MAGI2: variants seen among roughly 807,000 people sequenced by gnomAD.
The protein encoded by MAGI2 is membrane associated guanylate kinase, WW and PDZ domain containing 2.
A neutral mutation model predicts 133.3 loss-of-function variants in MAGI2; 35 were observed. That is an observed-to-expected ratio of 0.26 (90% CI 0.20 to 0.35). The LOEUF is 0.35. MAGI2 is among the 10% of genes least tolerant of loss of function. The pLI is 1.00. For missense variants in MAGI2, 1,636 were observed against 1,863.4 expected (o/e 0.88, Z 2.25); for synonymous variants, 729 against 710.6 (o/e 1.03, Z -0.41).
chr7:79,178,367 C>T (rs905295164), intron 1 of MAGI2, among the ~76,000 whole-genome samples: 5 of 151,968 alleles, frequency 3.3e-5, no homozygotes, highest in African/African-American at 1.2e-4. Context: ...GATAGATATT[C>T]GATAGATATG....
At chr7:79,044,701 C>A (rs773055063) in intron 1 of MAGI2, among the ~76,000 whole-genome samples, 1 of 152,178 alleles carries the variant, frequency 6.6e-6, no homozygotes, top group Non-Finnish European at 1.5e-5. Context: ...GCTCCTAGAT[C>A]TGATAAACAA....
intron 10 of MAGI2, among the ~76,000 whole-genome samples, chr7:78,215,195 G>A (rs534165044): frequency 1.3e-5 from 2 of 152,210 alleles, no homozygotes; most frequent in African/African-American, 4.8e-5. Context: ...ATAGATTATT[G>A]TGTTGAGCAG....
At position 79,062,152 on chromosome 7, in the gene MAGI2, G is replaced by C. The variant is rs754032293; in HGVS notation, c.302-54946C>G. ...TACAGGCTCATGATTCATTTTAACT[G>C]TACCACTCCATACTACTGGCCCATG... On this transcript the variant is annotated intron_variant, in intron 1 of 21. Coordinates refer to ENST00000354212, the MANE Select transcript of MAGI2 (RefSeq NM_012301.4). Among the ~76,000 whole-genome samples the C allele has an allele frequency of 3.3e-5, 5 of 152,072 alleles. No homozygotes were observed. The East Asian group carries it at 5.8e-4, about 18-fold the overall frequency.
At chr7:79,392,619 G>C (rs2129153003) in intron 1 of MAGI2, among the ~76,000 whole-genome samples, 1 of 152,260 alleles carries the variant, frequency 6.6e-6, no homozygotes, top group East Asian at 1.9e-4. Context: ...GTGATGATTA[G>C]CTTTTTTTCA....
intron 6 of MAGI2, among the ~76,000 whole-genome samples, chr7:78,460,454 G>T (rs1789849849): frequency 6.6e-6 from 1 of 152,126 alleles, no homozygotes; most frequent in Non-Finnish European, 1.5e-5. Context: ...ATGAATTGTG[G>T]CAAAATATTG....
intron 16 of MAGI2, among the ~76,000 whole-genome samples, chr7:78,158,754 CT>C (rs965825444): frequency 1.3e-5 from 2 of 152,148 alleles, no homozygotes; most frequent in Non-Finnish European, 2.9e-5. Context: ...ACCAATCTGC[CT>C]TTGTAGGACT....
At position 78,874,842 on chromosome 7, in the gene MAGI2, A is replaced by G. The variant is rs1447136361; in HGVS notation, c.418+132248T>C. ...ATAGGCTAATTGCCCTAATTTGATC[A>G]TTACACATTGTAACAAGTATCAAAA... On this transcript the variant is annotated intron_variant, in intron 2 of 21. Transcript: ENST00000354212. Among the ~76,000 whole-genome samples the G allele has an allele frequency of 2.6e-5, 4 of 152,200 alleles. No individual in the cohort carries two copies. In the East Asian group the frequency reaches 7.7e-4, roughly 29 times the overall value.
At chr7:78,794,688 T>G (rs972851265) in intron 2 of MAGI2, among the ~76,000 whole-genome samples, 1 of 152,294 alleles carries the variant, frequency 6.6e-6, no homozygotes, top group East Asian at 1.9e-4. Flanking sequence ...TTGAAAATTA[T>G]AAACATCATA....
At chr7:78,086,506 G>C (rs1049300588) in intron 20 of MAGI2, among the ~76,000 whole-genome samples, 3 of 149,756 alleles carry the variant, frequency 2.0e-5, no homozygotes, top group Non-Finnish European at 4.4e-5. Context: ...CAAAGTGCTG[G>C]GATTACAGGT....
At chr7:78,091,812 C>A (rs1392584954) in intron 20 of MAGI2, among the ~76,000 whole-genome samples, 1 of 152,132 alleles carries the variant, frequency 6.6e-6, no homozygotes, top group Non-Finnish European at 1.5e-5. Context: ...GAAGAAGCAG[C>A]TATTTGAGAT....
chr7:78,546,847 A>T (rs1798891049), intron 3 of MAGI2, among the ~76,000 whole-genome samples: 1 of 152,208 alleles, frequency 6.6e-6, no homozygotes, highest in African/African-American at 2.4e-5. Flanking sequence ...TGCCTACCAC[A>T]CAGAGTTGTT....
In MAGI2 at chr7:78,551,803, G is replaced by T. The variant is rs189127022; in HGVS notation, c.539-30158C>A. 2.3e-3 allele frequency among the ~76,000 whole-genome samples: 354 copies of T among 152,312 alleles called. 1 individual carries two copies. The highest frequency in any genetic ancestry group is 7.7e-3 in the African/African-American group (319 of 41,564). ...TTTGTTACCCAGGCTGGAGGGCAGCGGTGCGAACCTGGCTCACTGCAGCCT... is the reference window on the plus strand; with the variant it reads ...TTTGTTACCCAGGCTGGAGGGCAGCTGTGCGAACCTGGCTCACTGCAGCCT... On this transcript the variant is annotated intron_variant, in intron 3 of 21. Transcript: ENST00000354212.
intron 2 of MAGI2, among the ~76,000 whole-genome samples, chr7:78,780,288 G>A (rs537854246): frequency 1.3e-5 from 2 of 152,300 alleles, no homozygotes; most frequent in South Asian, 2.1e-4. Flanking sequence ...ATGCACAAAT[G>A]TCTCTTTCAA....
At chr7:78,625,286 T>C (rs1266257340) in intron 3 of MAGI2, among the ~76,000 whole-genome samples, 2 of 151,866 alleles carry the variant, frequency 1.3e-5, no homozygotes, top group South Asian at 2.1e-4. Context: ...AATGTAAAAA[T>C]ACATTTCCCA....
chr7:78,334,509 T>A (rs1003884618), intron 9 of MAGI2, among the ~76,000 whole-genome samples: 1 of 152,192 alleles, frequency 6.6e-6, no homozygotes, highest in Non-Finnish European at 1.5e-5. Flanking sequence ...AATGTAAAGA[T>A]TAGGGTTTTT....
intron 2 of MAGI2, among the ~76,000 whole-genome samples, chr7:78,871,140 C>T (rs1794998782): frequency 6.6e-6 from 1 of 151,972 alleles, no homozygotes; most frequent in African/African-American, 2.4e-5. Context: ...GAAACCCCAT[C>T]GCTATCGAAA....
chr7:79,372,344 T>C (rs1181363240), intron 1 of MAGI2, among the ~76,000 whole-genome samples: 2 of 152,044 alleles, frequency 1.3e-5, no homozygotes, highest in African/African-American at 2.4e-5. Flanking sequence ...CAGGAAGAGA[T>C]GTAAAGAATA....
chr7:79,415,664 G>T (rs1846449715), intron 1 of MAGI2: 1 of 152,078 alleles, frequency 6.6e-6, no homozygotes, highest in South Asian at 2.1e-4. Flanking sequence ...AAATAGCAAG[G>T]ACTTTGGCAT....
chr7:78,997,228 T>G (rs1161577899), intron 2 of MAGI2, among the ~76,000 whole-genome samples: 3 of 152,162 alleles, frequency 2.0e-5, no homozygotes, highest in African/African-American at 7.2e-5. Context: ...TTTCTTGCCT[T>G]TAAGTAGAAA....
Sources: allele counts gnomAD v4.1 joint callset (sites outside exome capture counted in the v4.1 genomes callset), GRCh38; gene constraint gnomAD v4.1.1; transcripts MANE v1.5; gene names NCBI Gene and HGNC (gene_info 2026-07-23, HGNC 2026-07-21).